MAF: variants seen among roughly 807,000 people sequenced by gnomAD.
MAF encodes transcription factor Maf.
In MAF, 10 loss-of-function variants were observed where a neutral mutation model predicts 22.0. The observed-to-expected ratio is 0.45, with a 90% CI of 0.28 to 0.77. The LOEUF (loss-of-function observed/expected upper bound fraction) is 0.77, where lower values mean the gene tolerates loss of function less well. Ranked by LOEUF, MAF falls within the 30% of genes least tolerant of loss-of-function variation. MAF has a pLI of 0.12. For missense variants in MAF, 544 were observed against 548.4 expected, an observed-to-expected ratio of 0.99 and a Z score of 0.08; for synonymous variants, 337 against 255.8, an observed-to-expected ratio of 1.32 and a Z score of -3.03.
chr16:79,287,539 G>T, the MAF span, among the ~76,000 whole-genome samples: 171 of 152,292 alleles, frequency 1.1e-3, no homozygotes, highest in Non-Finnish European at 2.3e-3. Context: ...GTCCTGCCAT[G>T]ACCCACGTGT....
At chr16:79,415,620 G>C in the MAF span, among the ~76,000 whole-genome samples, 1 of 152,002 alleles carries the variant, frequency 6.6e-6, no homozygotes, top group African/African-American at 2.4e-5. Context: ...CTACAAAGCA[G>C]CTTGCATCCT....
At chr16:79,212,422 C>G in the MAF span, 2 of 358,540 alleles carry the variant, frequency 5.6e-6, no homozygotes, top group Admixed American at 4.2e-5. Flanking sequence ...TTTGCTAATG[C>G]TATGCAAAAA....
chr16:79,588,957 C>T (rs1275644242), downstream of MAF, among the ~76,000 whole-genome samples: 1 of 152,078 alleles, frequency 6.6e-6, no homozygotes, highest in Admixed American at 6.5e-5. Flanking sequence ...GTTTTTCCGC[C>T]TTCTATGAAA....
At chr16:79,273,217 A>AC in the MAF span, among the ~76,000 whole-genome samples, 2 of 152,202 alleles carry the variant, frequency 1.3e-5, no homozygotes, top group Admixed American at 1.3e-4. Context: ...TCTGGCCCCA[A>AC]CCCCGGCTGA....
the MAF span, among the ~76,000 whole-genome samples, chr16:79,229,003 A>C: frequency 2.0e-5 from 3 of 151,754 alleles, no homozygotes; most frequent in African/African-American, 7.3e-5. Context: ...TCAGAGCACA[A>C]TTCTTCTTGG....
the MAF span, among the ~76,000 whole-genome samples, chr16:79,250,411 C>T: frequency 0.086 from 13,037 of 152,262 alleles, 570 homozygotes; most frequent in Middle Eastern, 0.099. Flanking sequence ...AAAGAGACTG[C>T]GGAGAGGTCA....
the MAF span, among the ~76,000 whole-genome samples, chr16:79,309,328 T>G: frequency 6.6e-6 from 1 of 152,196 alleles, no homozygotes; most frequent in Non-Finnish European, 1.5e-5. Context: ...TTGTAGAAGA[T>G]TCGCTTAAGG....
the MAF span, among the ~76,000 whole-genome samples, chr16:79,538,821 G>C: frequency 6.8e-6 from 1 of 146,634 alleles, no homozygotes; most frequent in Non-Finnish European, 1.5e-5. Flanking sequence ...GCATGACTCT[G>C]TCTCGAAAGA....
chr16:79,381,810 T>C, the MAF span, among the ~76,000 whole-genome samples: 9 of 152,316 alleles, frequency 5.9e-5, no homozygotes, highest in East Asian at 3.9e-4. Context: ...TTGGCCCTGA[T>C]TGGCTTGTTA....
the MAF span, among the ~76,000 whole-genome samples, chr16:79,540,984 C>T: frequency 1.6e-4 from 25 of 151,854 alleles, no homozygotes; most frequent in Admixed American, 4.6e-4. Context: ...CTATTTACTA[C>T]GGTTACTACA....
the MAF span, among the ~76,000 whole-genome samples, chr16:79,268,233 C>T: frequency 5.3e-5 from 8 of 152,232 alleles, no homozygotes; most frequent in South Asian, 4.1e-4. Context: ...CCACAAACAC[C>T]GGAATTGTGC....
chr16:79,291,152 G>A, the MAF span, among the ~76,000 whole-genome samples: 1 of 152,134 alleles, frequency 6.6e-6, no homozygotes, highest in Non-Finnish European at 1.5e-5. Flanking sequence ...TTAGGAAATG[G>A]GGCCGTCGTC....
At chr16:79,465,819 A>G in the MAF span, among the ~76,000 whole-genome samples, 1 of 152,156 alleles carries the variant, frequency 6.6e-6, no homozygotes, top group Non-Finnish European at 1.5e-5. Flanking sequence ...TGAGGAATAA[A>G]TGGGGTGGTA....
the MAF span, among the ~76,000 whole-genome samples, chr16:79,501,535 C>A: frequency 3.3e-5 from 5 of 151,716 alleles, no homozygotes; most frequent in Admixed American, 3.3e-4. Flanking sequence ...CTTGAGGCCA[C>A]ATTGCATTCA....
chr16:79,470,933 A>T, the MAF span, among the ~76,000 whole-genome samples: 1 of 152,256 alleles, frequency 6.6e-6, no homozygotes, highest in Non-Finnish European at 1.5e-5. Flanking sequence ...AGTTAACTGG[A>T]AAAGAATGAA....
the MAF span, among the ~76,000 whole-genome samples, chr16:79,266,170 G>A: frequency 1.2e-4 from 19 of 152,172 alleles, no homozygotes; most frequent in South Asian, 1.2e-3. Context: ...CACCACAGCC[G>A]GCCAGAATTC....
chr16:79,507,289 T>C, the MAF span, among the ~76,000 whole-genome samples: 1 of 150,754 alleles, frequency 6.6e-6, no homozygotes, highest in Non-Finnish European at 1.5e-5. Context: ...AATTTTTTTG[T>C]ACTTTTTTAG....
the MAF span, among the ~76,000 whole-genome samples, chr16:79,236,997 T>C: frequency 2.0e-5 from 3 of 151,352 alleles, no homozygotes; most frequent in East Asian, 5.8e-4. Context: ...TATGAGTTGG[T>C]TTAGAATCAG....
chr16:79,258,974 C>G, the MAF span, among the ~76,000 whole-genome samples: 1 of 152,150 alleles, frequency 6.6e-6, no homozygotes, highest in Non-Finnish European at 1.5e-5. Context: ...CAGAGCCCAC[C>G]ACATCCAGGC....
Sources: gnomAD v4.1 joint callset for allele counts (sites outside exome capture counted in the v4.1 genomes callset) on GRCh38, gnomAD v4.1.1 for gene constraint, MANE v1.5 for transcripts, NCBI Gene and HGNC (gene_info 2026-07-23, HGNC 2026-07-21) for gene names.